Variants in FBXW7 observed in about 807,000 individuals in gnomAD.
The protein encoded by FBXW7 is F-box and WD repeat domain containing 7, also known as F-box/WD repeat-containing protein 7.
In FBXW7, 11 loss-of-function variants were observed where a neutral mutation model predicts 86.3. The observed-to-expected ratio is 0.13, with a 90% CI of 0.08 to 0.21. The LOEUF (loss-of-function observed/expected upper bound fraction) is 0.21, where lower values mean the gene tolerates loss of function less well. Among genes scored for constraint, FBXW7 ranks in the 10% least tolerant of loss-of-function variants. The pLI is 1.00. For synonymous variants in FBXW7, 313 were observed against 297.9 expected (o/e 1.05, Z -0.52); for missense variants, 488 against 847.4 (o/e 0.58, Z 5.27).
intron 2 of FBXW7, among the ~76,000 whole-genome samples, chr4:152,474,394 A>C (rs959535996): frequency 6.6e-6 from 1 of 152,208 alleles, no homozygotes; most frequent in African/African-American, 2.4e-5. Flanking sequence ...TTCAATTTTA[A>C]TTATGGCGGT....
chr4:152,505,349 T>C (rs893137450), intron 2 of FBXW7, among the ~76,000 whole-genome samples: 1 of 152,172 alleles, frequency 6.6e-6, no homozygotes, highest in East Asian at 1.9e-4. Context: ...TATTTTAAAA[T>C]TTTTTCTTTC....
intron 2 of FBXW7, among the ~76,000 whole-genome samples, chr4:152,515,749 C>A (rs1748423650): frequency 6.7e-6 from 1 of 149,142 alleles, no homozygotes. Flanking sequence ...ATAACCACAA[C>A]TCTCTTTTTT....
chr4:152,382,298 A>C (rs757001914), intron 4 of FBXW7: 2 of 1,598,782 alleles, frequency 1.3e-6, no homozygotes, highest in East Asian at 4.5e-5. Flanking sequence ...AACAGGAACC[A>C]AGCCATGGTT....
intron 2 of FBXW7, among the ~76,000 whole-genome samples, chr4:152,463,365 C>T (rs903977143): frequency 6.6e-6 from 1 of 152,076 alleles, no homozygotes; most frequent in African/African-American, 2.4e-5. Context: ...TTAAACTCCA[C>T]CATTACCCAC....
chr4:152,495,444 AG>A (rs1232365004), intron 2 of FBXW7, among the ~76,000 whole-genome samples: 2 of 152,106 alleles, frequency 1.3e-5, no homozygotes, highest in Non-Finnish European at 2.9e-5. Flanking sequence ...CAACTCAAAA[AG>A]GAAAAAAAAA....
chr4:152,412,975 C>A lies in FBXW7; in HGVS notation c.-119-446G>T, dbSNP rs372577200. Among the ~76,000 whole-genome samples the A allele has an allele frequency of 2.4e-4, 36 of 152,108 alleles. 2 individuals are homozygous for A. The highest frequency in any genetic ancestry group is 2.3e-3 in the South Asian group (11 of 4,824). On this transcript the variant is annotated intron_variant, in intron 2 of 13. Coordinates refer to ENST00000281708, the MANE Select transcript of FBXW7 (RefSeq NM_001349798.2). ...TGATACAGCATCTTTTCATGATATTCATTCTTACATTTTATCCTTTGCTGG... is the reference window on the plus strand; with the variant it reads ...TGATACAGCATCTTTTCATGATATTAATTCTTACATTTTATCCTTTGCTGG...
At chr4:152,527,139 A>C (rs541817123) in intron 2 of FBXW7, among the ~76,000 whole-genome samples, 38 of 152,362 alleles carry the variant, frequency 2.5e-4, no homozygotes, top group Middle Eastern at 3.4e-3. Flanking sequence ...TAATCCTAAC[A>C]ACCACCATGT....
At chr4:152,508,576 C>T (rs1028238759) in intron 2 of FBXW7, among the ~76,000 whole-genome samples, 5 of 150,320 alleles carry the variant, frequency 3.3e-5, no homozygotes, top group African/African-American at 1.2e-4. Flanking sequence ...GCAGTCCCAG[C>T]TACTTAACAG....
At chr4:152,360,214 T>A (rs1578987867) in intron 4 of FBXW7, among the ~76,000 whole-genome samples, 1 of 152,194 alleles carries the variant, frequency 6.6e-6, no homozygotes, top group East Asian at 1.9e-4. Flanking sequence ...TGTCTTTCTG[T>A]ACTAGGAGAA....
chr4:152,428,753 T>C (rs576681326), intron 2 of FBXW7, among the ~76,000 whole-genome samples: 2 of 152,230 alleles, frequency 1.3e-5, no homozygotes, highest in Middle Eastern at 3.2e-3. Flanking sequence ...CAAGATGAAA[T>C]ATATTCAAAC....
Position 152,512,269 on chromosome 4 carries a change from T to C in FBXW7, c.-120+22672A>G, listed in dbSNP as rs895043435. On this transcript the variant is annotated intron_variant, in intron 2 of 13. Coordinates refer to ENST00000281708, the MANE Select transcript of FBXW7 (RefSeq NM_001349798.2). ...TCTACATAATTTTATAATTCATATA[T>C]AGCACATATTTTAGACACAGTAAAC... 2.6e-5 allele frequency among the ~76,000 whole-genome samples: 4 copies of C among 152,306 alleles called. No individual in the cohort carries two copies. The South Asian group carries it at 8.3e-4, about 32-fold the overall frequency.
intron 4 of FBXW7, among the ~76,000 whole-genome samples, chr4:152,361,736 G>A (rs1391407933): frequency 6.6e-6 from 1 of 152,080 alleles, no homozygotes; most frequent in Non-Finnish European, 1.5e-5. Context: ...AGCATTTTGG[G>A]AGACCAAGGC....
At chr4:152,476,419 G>C (rs947624386) in intron 2 of FBXW7, among the ~76,000 whole-genome samples, 3 of 152,054 alleles carry the variant, frequency 2.0e-5, no homozygotes, top group African/African-American at 7.2e-5. Context: ...TTTTCAACTA[G>C]GCAAAAAGTT....
chr4:152,486,490 T>C (rs1201820015), intron 2 of FBXW7, among the ~76,000 whole-genome samples: 1 of 152,204 alleles, frequency 6.6e-6, no homozygotes, highest in Non-Finnish European at 1.5e-5. Flanking sequence ...CTTTTAAAAC[T>C]GTTTTGCTAA....
At chr4:152,531,886 T>A (rs960771069) in intron 2 of FBXW7, among the ~76,000 whole-genome samples, 11 of 151,412 alleles carry the variant, frequency 7.3e-5, no homozygotes, top group Non-Finnish European at 8.8e-5. Context: ...AAAAAAAAAA[T>A]TTTAGCTTGT....
At chr4:152,502,722 GGAA>G (rs1747071459) in intron 2 of FBXW7, among the ~76,000 whole-genome samples, 1 of 151,972 alleles carries the variant, frequency 6.6e-6, no homozygotes. Context: ...AAAAGAAACT[GGAA>G]GAAGGTATGC....
intron 2 of FBXW7, among the ~76,000 whole-genome samples, chr4:152,489,954 C>A (rs565311076): frequency 3.3e-5 from 5 of 152,134 alleles, no homozygotes; most frequent in African/African-American, 1.2e-4. Flanking sequence ...TTAAAAAAAG[C>A]CTTGCAAACA....
intron 2 of FBXW7, among the ~76,000 whole-genome samples, chr4:152,491,727 G>T (rs1330023519): frequency 6.6e-6 from 1 of 152,024 alleles, no homozygotes; most frequent in Non-Finnish European, 1.5e-5. Flanking sequence ...ATCTTTATAT[G>T]GAAAACTTTG....
At chr4:152,498,105 T>C (rs1379392549) in intron 2 of FBXW7, among the ~76,000 whole-genome samples, 2 of 152,168 alleles carry the variant, frequency 1.3e-5, no homozygotes, top group Non-Finnish European at 2.9e-5. Flanking sequence ...AAGGTTAATA[T>C]CTGCTTGACC....
Sources: allele counts gnomAD v4.1 joint callset (sites outside exome capture counted in the v4.1 genomes callset), GRCh38; gene constraint gnomAD v4.1.1; transcripts MANE v1.5; gene names NCBI Gene and HGNC (gene_info 2026-07-23, HGNC 2026-07-21).